The following GRM1 variants were observed in gnomAD, a reference collection of about 807,000 sequenced individuals.
GRM1 encodes the protein glutamate metabotropic receptor 1.
In GRM1, 33 loss-of-function variants were observed where a neutral mutation model predicts 90.9. That is an observed-to-expected ratio of 0.36 (90% CI 0.28 to 0.49). The LOEUF (loss-of-function observed/expected upper bound fraction) is 0.49, where lower values mean the gene tolerates loss of function less well. Among genes scored for constraint, GRM1 ranks in the 20% least tolerant of loss-of-function variants. GRM1 has a pLI of 0.99. For missense variants in GRM1, 1,190 were observed against 1,534.3 expected, an observed-to-expected ratio of 0.78 and a Z score of 3.75; for synonymous variants, 700 against 613.2, an observed-to-expected ratio of 1.14 and a Z score of -2.09.
chr6:146,305,716 C>T (rs150076817), intron 3 of GRM1, among the ~76,000 whole-genome samples: 8 of 152,148 alleles, frequency 5.3e-5, no homozygotes, highest in African/African-American at 9.6e-5. Context: ...AACAGTGGTG[C>T]GACATGTATA....
intron 2 of GRM1, among the ~76,000 whole-genome samples, chr6:146,240,403 A>G (rs1446790031): frequency 1.3e-5 from 2 of 151,796 alleles, no homozygotes; most frequent in Non-Finnish European, 2.9e-5. Context: ...CAGGGTTACC[A>G]GACCAAGGGG....
At chr6:146,400,479 T>A (rs1777118913) in intron 7 of GRM1, among the ~76,000 whole-genome samples, 2 of 152,216 alleles carry the variant, frequency 1.3e-5, no homozygotes, top group Non-Finnish European at 2.9e-5. Context: ...AAAGTCCAGA[T>A]GAATTCCAGA....
At chr6:146,433,361 TGGGCAAC>T (rs1386248690) in intron 7 of GRM1, among the ~76,000 whole-genome samples, 1 of 152,224 alleles carries the variant, frequency 6.6e-6, no homozygotes, top group Non-Finnish European at 1.5e-5. Flanking sequence ...CATATGAGAA[TGGGCAAC>T]TGAGAGGATC....
At chr6:146,140,111 T>TTCTTTC (rs1272626621) in intron 1 of GRM1, among the ~76,000 whole-genome samples, 1 of 126,596 alleles carries the variant, frequency 7.9e-6, no homozygotes, top group Non-Finnish European at 1.6e-5. Flanking sequence ...CTTTCTTTCT[T>TTCTTTC]TCTTTCTTTC....
At chr6:146,243,942 A>G (rs1307508720) in intron 2 of GRM1, among the ~76,000 whole-genome samples, 1 of 152,132 alleles carries the variant, frequency 6.6e-6, no homozygotes, top group African/African-American at 2.4e-5. Context: ...CTTTGCTGAG[A>G]AAAAGAATTC....
At chr6:146,121,044 T>C (rs558377053) in intron 1 of GRM1, among the ~76,000 whole-genome samples, 10 of 152,324 alleles carry the variant, frequency 6.6e-5, no homozygotes, top group Admixed American at 2.0e-4. Flanking sequence ...CTGGTAGAAT[T>C]CAGCTGTGAA....
chr6:146,342,118 G>A (rs190555891), intron 3 of GRM1, among the ~76,000 whole-genome samples: 11 of 152,272 alleles, frequency 7.2e-5, no homozygotes, highest in Non-Finnish European at 1.3e-4. Flanking sequence ...TTATTGTGGC[G>A]GTGTTGGTCT....
At chr6:146,154,944 T>C (rs974835560) in intron 1 of GRM1, among the ~76,000 whole-genome samples, 3 of 152,262 alleles carry the variant, frequency 2.0e-5, no homozygotes, top group African/African-American at 4.8e-5. Flanking sequence ...TAGCAAATAC[T>C]GTTCAGTGAT....
chr6:146,295,886 C>A (rs1005083147), intron 2 of GRM1, among the ~76,000 whole-genome samples: 7 of 152,096 alleles, frequency 4.6e-5, no homozygotes, highest in African/African-American at 1.4e-4. Flanking sequence ...CCATCCTTCA[C>A]CCTCAAGGGG....
chr6:146,085,469 C>T (rs1776510260), intron 1 of GRM1, among the ~76,000 whole-genome samples: 1 of 152,060 alleles, frequency 6.6e-6, no homozygotes, highest in South Asian at 2.1e-4. Flanking sequence ...TCTGCATGAC[C>T]AGCTGTTTTT....
chr6:146,280,166 A>G (rs1782515755), intron 2 of GRM1, among the ~76,000 whole-genome samples: 1 of 151,934 alleles, frequency 6.6e-6, no homozygotes, highest in Admixed American at 6.6e-5. Context: ...TATTTCTTCC[A>G]CCCACCAAGA....
chr6:146,130,284 A>G (rs1776351512), intron 1 of GRM1, among the ~76,000 whole-genome samples: 3 of 136,190 alleles, frequency 2.2e-5, no homozygotes, highest in Non-Finnish European at 1.6e-5. Context: ...TTCTTTCGTA[A>G]GAAAAAGACA....
chr6:146,116,286 T>G, intron 1 of GRM1, among the ~76,000 whole-genome samples: 1 of 152,158 alleles, frequency 6.6e-6, no homozygotes, highest in Middle Eastern at 3.2e-3. Flanking sequence ...GAGATATTTA[T>G]TTATTTTTTA....
chr6:146,037,523 C>T (rs1790934876), intron 1 of GRM1, among the ~76,000 whole-genome samples: 1 of 151,974 alleles, frequency 6.6e-6, no homozygotes, highest in South Asian at 2.1e-4. Context: ...GCACGCCTCT[C>T]ATGTGAGGTC....
chr6:146,146,798 A>C (rs1202607347), intron 1 of GRM1, among the ~76,000 whole-genome samples: 1 of 152,216 alleles, frequency 6.6e-6, no homozygotes, highest in Non-Finnish European at 1.5e-5. Flanking sequence ...CAAGATGCTC[A>C]CCATAGACCT....
chr6:146,383,399 A>G (rs1351001652), intron 5 of GRM1, among the ~76,000 whole-genome samples: 1 of 152,164 alleles, frequency 6.6e-6, no homozygotes. Flanking sequence ...AGTGACATAC[A>G]ATAATTCATG....
At chr6:146,155,938 C>T (rs1347069037) in intron 1 of GRM1, among the ~76,000 whole-genome samples, 1 of 152,134 alleles carries the variant, frequency 6.6e-6, no homozygotes, top group African/African-American at 2.4e-5. Context: ...ACTCTGGTTG[C>T]TAGGTGTGAA....
intron 3 of GRM1, among the ~76,000 whole-genome samples, chr6:146,334,274 ACCTGGCAG>A (rs1784689177): frequency 6.6e-6 from 1 of 152,152 alleles, no homozygotes; most frequent in Admixed American, 6.6e-5. Context: ...CTGTAGCAGA[ACCTGGCAG>A]CCTACTGCCT....
chr6:146,233,842 A>C (rs12210031), intron 2 of GRM1, among the ~76,000 whole-genome samples: 20,766 of 152,050 alleles, frequency 0.14, 1,546 homozygotes, highest in South Asian at 0.21. Context: ...TTAGCTTTCT[A>C]TATCTTTTAA....
Sources: gnomAD v4.1 joint callset for allele counts (sites outside exome capture counted in the v4.1 genomes callset) on GRCh38, gnomAD v4.1.1 for gene constraint, MANE v1.5 for transcripts, NCBI Gene and HGNC (gene_info 2026-07-23, HGNC 2026-07-21) for gene names.